The following PTPRD variants were observed in gnomAD, a reference collection of about 807,000 sequenced individuals.
PTPRD encodes protein tyrosine phosphatase receptor type D.
PTPRD carries 34 observed loss-of-function variants against 214.5 expected under a neutral mutation model. The observed-to-expected ratio is 0.16, with a 90% confidence interval of 0.12 to 0.21. The LOEUF (loss-of-function observed/expected upper bound fraction) is 0.21. Ranked by LOEUF, PTPRD falls within the 10% of genes least tolerant of loss-of-function variation. The probability of loss-of-function intolerance (pLI) is 1.00; values close to 1 mark genes in which losing one functional copy is unlikely to be tolerated. For synonymous variants in PTPRD, 1,128 were observed against 845.7 expected (o/e 1.33, Z -5.79); for missense variants, 2,545 against 2,398.7 (o/e 1.06, Z -1.27).
chr9:10,073,331 T>G (rs1028151813), intron 3 of PTPRD, among the ~76,000 whole-genome samples: 1 of 152,040 alleles, frequency 6.6e-6, no homozygotes, highest in Non-Finnish European at 1.5e-5. Flanking sequence ...ATAAGTAACT[T>G]TGGAAATGAA....
chr9:9,456,809 G>A (rs2093070734), intron 8 of PTPRD, among the ~76,000 whole-genome samples: 1 of 151,888 alleles, frequency 6.6e-6, no homozygotes, highest in Non-Finnish European at 1.5e-5. Flanking sequence ...ACTGGTAAAT[G>A]TGGGGGTTAT....
intron 2 of PTPRD, among the ~76,000 whole-genome samples, chr9:10,517,557 C>T (rs2050552179): frequency 6.6e-6 from 1 of 152,042 alleles, no homozygotes; most frequent in Admixed American, 6.6e-5. Flanking sequence ...GAGAAGAGAA[C>T]AAACTATTTT....
chr9:8,357,539 T>G (rs965703317), intron 39 of PTPRD, among the ~76,000 whole-genome samples: 3 of 152,182 alleles, frequency 2.0e-5, no homozygotes, highest in Non-Finnish European at 2.9e-5. Flanking sequence ...CAAGCAATAG[T>G]TCCTTTTATT....
At chr9:10,060,905 T>TTCCTTCC in intron 3 of PTPRD, among the ~76,000 whole-genome samples, 2 of 64,002 alleles carry the variant, frequency 3.1e-5, no homozygotes, top group South Asian at 8.1e-4. Context: ...TCCTTCTTTC[T>TTCCTTCC]TTCTTTCTTT....
At chr9:9,736,185 C>A (rs1266051763) in intron 6 of PTPRD, among the ~76,000 whole-genome samples, 1 of 152,102 alleles carries the variant, frequency 6.6e-6, no homozygotes, top group African/African-American at 2.4e-5. Context: ...ACTGTAATCT[C>A]AGTAAACTAT....
chr9:9,109,279 C>T (rs1359344388), intron 10 of PTPRD, among the ~76,000 whole-genome samples: 1 of 152,082 alleles, frequency 6.6e-6, no homozygotes. Flanking sequence ...AAAAATGTAG[C>T]ATCTGTGCAT....
intron 3 of PTPRD, among the ~76,000 whole-genome samples, chr9:10,260,987 T>C (rs1002272297): frequency 2.1e-5 from 3 of 142,642 alleles, no homozygotes; most frequent in Admixed American, 6.9e-5. Context: ...TGTATATATA[T>C]GTATATATAT....
intron 11 of PTPRD, among the ~76,000 whole-genome samples, chr9:8,886,690 C>T (rs1359320153): frequency 6.6e-6 from 1 of 152,176 alleles, no homozygotes; most frequent in African/African-American, 2.4e-5. Context: ...GCACCCCCTA[C>T]CCCTTGACTG....
intron 11 of PTPRD, among the ~76,000 whole-genome samples, chr9:8,806,805 C>T (rs944516736): frequency 6.6e-6 from 1 of 152,022 alleles, no homozygotes; most frequent in Admixed American, 6.6e-5. Context: ...ACCACTTTGC[C>T]CAAATTAAGT....
chr9:9,429,191 T>G (rs772109372), intron 8 of PTPRD, among the ~76,000 whole-genome samples: 1 of 151,850 alleles, frequency 6.6e-6, no homozygotes. Context: ...AAGAATCAAA[T>G]AGAACAATAA....
chr9:9,213,357 A>G (rs918296333), intron 9 of PTPRD, among the ~76,000 whole-genome samples: 2 of 152,200 alleles, frequency 1.3e-5, no homozygotes, highest in Admixed American at 6.5e-5. Flanking sequence ...ATGCATAGAC[A>G]TCAACGAAAG....
At position 10,612,216 on chromosome 9, in the gene PTPRD, A is replaced by AAAG. The variant is rs780426692; in HGVS notation, c.-600+181_-600+182insCTT. On this transcript the variant is annotated intron_variant, in intron 2 of 45. Coordinates refer to ENST00000381196, the MANE Select transcript of PTPRD (RefSeq NM_002839.4). ...TCTTCTAAGGGCTCTTCCAAAAAAA[A>AAAG]AAAAAAAAGAAAAAAATGCTTAGCG... is the stretch of plus-strand genomic sequence containing the variant. Among the ~76,000 whole-genome samples the AAAG allele has an allele frequency of 3.2e-3, 484 of 151,232 alleles. 17 individuals are homozygous for AAAG. Among genetic ancestry groups the AAAG allele is most frequent in the Admixed American group, 0.027 (415 of 15,114 alleles).
At chr9:8,862,007 A>C (rs980047543) in intron 11 of PTPRD, 4 of 152,166 alleles carry the variant, frequency 2.6e-5, no homozygotes, top group Non-Finnish European at 5.9e-5. Context: ...TTTCAAATTT[A>C]AGTTATACAG....
chr9:10,031,405 T>G (rs1264627907), intron 4 of PTPRD, among the ~76,000 whole-genome samples: 2 of 151,498 alleles, frequency 1.3e-5, no homozygotes, highest in Admixed American at 6.6e-5. Context: ...TCTAAGTAGC[T>G]GCCAGTGAAT....
intron 8 of PTPRD, among the ~76,000 whole-genome samples, chr9:9,439,600 G>A (rs2086709080): frequency 6.6e-6 from 1 of 152,046 alleles, no homozygotes; most frequent in Non-Finnish European, 1.5e-5. Flanking sequence ...CAGATTAGAG[G>A]TGCATTCCAT....
chr9:8,484,958 A>G (rs988342337), intron 29 of PTPRD, among the ~76,000 whole-genome samples: 4 of 152,228 alleles, frequency 2.6e-5, no homozygotes, highest in African/African-American at 9.6e-5. Context: ...AAACAAAAGC[A>G]CTAGCTTAGA....
intron 9 of PTPRD, among the ~76,000 whole-genome samples, chr9:9,283,102 T>C (rs1301326562): frequency 6.6e-6 from 1 of 151,286 alleles, no homozygotes; most frequent in African/African-American, 2.4e-5. Context: ...GAAGAATACA[T>C]AGGAAAGCTG....
chr9:10,538,663 G>C (rs1237568699), intron 2 of PTPRD, among the ~76,000 whole-genome samples: 1 of 141,478 alleles, frequency 7.1e-6, no homozygotes, highest in Admixed American at 6.8e-5. Context: ...CCATATATAG[G>C]ATGTACTGAA....
intron 35 of PTPRD, among the ~76,000 whole-genome samples, chr9:8,410,289 A>G (rs1465755510): frequency 1.3e-5 from 2 of 152,210 alleles, no homozygotes; most frequent in Non-Finnish European, 2.9e-5. Flanking sequence ...AATGTGAGGA[A>G]GGAGTGGAAA....
Sources: allele counts gnomAD v4.1 joint callset (sites outside exome capture counted in the v4.1 genomes callset), GRCh38; gene constraint gnomAD v4.1.1; transcripts MANE v1.5; gene names NCBI Gene and HGNC (gene_info 2026-07-23, HGNC 2026-07-21).